Variants in CRB1 observed in about 807,000 individuals in gnomAD.
The protein encoded by CRB1 is crumbs cell polarity complex component 1, also known as protein crumbs homolog 1.
In CRB1, 83 loss-of-function variants were observed where a neutral mutation model predicts 120.0. The observed-to-expected ratio is 0.69, with a 90% confidence interval of 0.58 to 0.83. CRB1 has a LOEUF of 0.83. Ranked by LOEUF, CRB1 falls within the 40% of genes least tolerant of loss-of-function variation. The probability of loss-of-function intolerance (pLI) is 0.00; values close to 1 mark genes in which losing one functional copy is unlikely to be tolerated. For missense variants in CRB1, 1,699 were observed against 1,687.6 expected (o/e 1.01, Z -0.12); for synonymous variants, 625 against 612.5 (o/e 1.02, Z -0.30).
chr1:197,261,476 A>G, the CRB1 span, among the ~76,000 whole-genome samples: 1 of 152,262 alleles, frequency 6.6e-6, no homozygotes, highest in African/African-American at 2.4e-5. Context: ...GAGTGAGAAA[A>G]GCAAGTTGCA....
chr1:197,402,906 T>C (rs1663141197), intron 5 of CRB1, among the ~76,000 whole-genome samples: 1 of 152,230 alleles, frequency 6.6e-6, no homozygotes, highest in African/African-American at 2.4e-5. Flanking sequence ...ATGCTAGTTT[T>C]AGTTTATTCT....
chr1:197,213,823 CAT>C, the CRB1 span, among the ~76,000 whole-genome samples: 5 of 151,992 alleles, frequency 3.3e-5, no homozygotes, highest in Admixed American at 6.6e-5. Flanking sequence ...AATTTAAAAA[CAT>C]ATTGATACAA....
At chr1:197,369,523 G>A (rs1026418701) in intron 5 of CRB1, among the ~76,000 whole-genome samples, 1 of 151,752 alleles carries the variant, frequency 6.6e-6, no homozygotes, top group Non-Finnish European at 1.5e-5. Flanking sequence ...TATTATACCT[G>A]CCATTGGCAA....
intron 5 of CRB1, among the ~76,000 whole-genome samples, chr1:197,404,581 A>G (rs75669701): frequency 0.012 from 1,893 of 151,948 alleles, 23 homozygotes; most frequent in Middle Eastern, 0.041. Flanking sequence ...CATTTTCTCC[A>G]ATTCAGACAG....
At chr1:197,331,650 G>GT (rs1658862547) in intron 2 of CRB1, among the ~76,000 whole-genome samples, 1 of 152,054 alleles carries the variant, frequency 6.6e-6, no homozygotes, top group South Asian at 2.1e-4. Flanking sequence ...CATTAAGATA[G>GT]TGTCTTCCAT....
At chr1:197,383,542 A>T (rs975715132) in intron 5 of CRB1, among the ~76,000 whole-genome samples, 5 of 152,232 alleles carry the variant, frequency 3.3e-5, no homozygotes, top group African/African-American at 9.6e-5. Flanking sequence ...AATGTCCCTT[A>T]TACAAAGACC....
chr1:197,434,708 A>G lies in CRB1; in HGVS notation c.2845A>G (p.Ile949Val), dbSNP rs2125498693. 1 of 1,611,932 alleles carries G rather than the reference A, an allele frequency of 6.2e-7. No individual in the cohort carries two copies. The highest frequency in any genetic ancestry group is 2.2e-5 in the East Asian group (1 of 44,846). Residue 949 changes from isoleucine (I) to valine (V), a missense_variant and splice_region_variant, in exon 9 of 12, where the codon ATT becomes GTT. Physicochemically the swap from Ile to Val is conservative, Grantham distance 29. Transcript: ENST00000367400. ...TTATTATCACCTTCTCTCATTAGGT[A>G]TTGCAAATGCTGTTTTTAATGGACA... ...CQPVLQGFECIANAVFNGQSG... is the reference protein window; with the variant it reads ...CQPVLQGFECVANAVFNGQSG...
the CRB1 span, chr1:197,222,471 C>G: frequency 1.3e-6 from 1 of 769,022 alleles, no homozygotes; most frequent in South Asian, 1.3e-5. Flanking sequence ...CAAACTGGCT[C>G]TACCACCAGG....
chr1:197,352,686 C>CTT (rs5779865), intron 4 of CRB1, among the ~76,000 whole-genome samples: 144 of 137,156 alleles, frequency 1.0e-3, no homozygotes, highest in African/African-American at 3.7e-3. Flanking sequence ...TTTTACTTTC[C>CTT]TTTTTTTTTT....
intron 11 of CRB1, among the ~76,000 whole-genome samples, chr1:197,464,799 A>G (rs962596526): frequency 2.6e-5 from 4 of 152,228 alleles, no homozygotes; most frequent in Non-Finnish European, 4.4e-5. Context: ...AATAAAATAT[A>G]ATCAAGCACA....
At chr1:197,444,743 C>T (rs1665617586) in intron 11 of CRB1, 1 of 152,038 alleles carries the variant, frequency 6.6e-6, no homozygotes, top group African/African-American at 2.4e-5. Context: ...TCTTTTTATT[C>T]TTCTGTATTT....
At chr1:197,438,765 C>T (rs969870484) in intron 10 of CRB1, 90 bp downstream of exon 10, 180 of 1,502,910 alleles carry the variant, frequency 1.2e-4, no homozygotes, top group Admixed American at 2.0e-4. Context: ...AATTTTTTAT[C>T]TCAGTTCCCA....
At chr1:197,475,865 T>C (rs922871618) in intron 11 of CRB1, among the ~76,000 whole-genome samples, 1 of 152,210 alleles carries the variant, frequency 6.6e-6, no homozygotes, top group Admixed American at 6.6e-5. Context: ...TCTTACTCTT[T>C]CCCTAAATTC....
the CRB1 span, among the ~76,000 whole-genome samples, chr1:197,252,613 T>TGTGTGTGTGTGA: frequency 2.4e-4 from 27 of 111,156 alleles, no homozygotes; most frequent in African/African-American, 6.5e-4. Context: ...TGTGTGTGTG[T>TGTGTGTGTGTGA]GATATATATA....
chr1:197,264,920 C>T (rs552541483), upstream of CRB1, among the ~76,000 whole-genome samples: 2 of 151,928 alleles, frequency 1.3e-5, no homozygotes, highest in East Asian at 1.9e-4. Flanking sequence ...CCACCACGCC[C>T]GGCCAGAACA....
At chr1:197,259,798 C>G in the CRB1 span, among the ~76,000 whole-genome samples, 64 of 152,156 alleles carry the variant, frequency 4.2e-4, 1 homozygote, top group African/African-American at 3.6e-4. Flanking sequence ...AGGAAATAGA[C>G]CAACTGCTTA....
intron 5 of CRB1, among the ~76,000 whole-genome samples, chr1:197,409,370 C>T (rs575728105): frequency 6.6e-6 from 1 of 152,020 alleles, no homozygotes; most frequent in Admixed American, 6.5e-5. Flanking sequence ...TTTTTTTAAT[C>T]ATTTCACATT....
chr1:197,443,327 G>A (rs1665550635), intron 11 of CRB1: 1 of 151,174 alleles, frequency 6.6e-6, no homozygotes, highest in African/African-American at 2.4e-5. Context: ...ATACCTCCCT[G>A]GTATAATTTC....
chr1:197,478,014 C>A lies in CRB1; in HGVS notation c.*135C>A. The A allele has an allele frequency of 2.1e-6, 2 of 938,690 alleles. No homozygotes were observed. The highest frequency in any genetic ancestry group is 3.4e-6 in the Non-Finnish European group (2 of 588,324). The allele number at this position is 938,690 out of a possible 1,614,324, so 58.1% of individuals were successfully genotyped here. A position where few individuals can be genotyped will look rare whatever the true frequency, so the allele number is the denominator to read the frequency against. ...GGAACTACAGGAATGATTCCTTTGA[C>A]CACCTTAAAAACTTTCACAGTGGTT... On this transcript the variant is annotated 3_prime_UTR_variant, in exon 12 of 12. Transcript: ENST00000367400.
Sources: gnomAD v4.1 joint callset for allele counts (sites outside exome capture counted in the v4.1 genomes callset) on GRCh38, gnomAD v4.1.1 for gene constraint, MANE v1.5 for transcripts, NCBI Gene and HGNC (gene_info 2026-07-23, HGNC 2026-07-21) for gene names.